PCDHGB1: variants seen among roughly 807,000 people sequenced by gnomAD.
The protein encoded by PCDHGB1 is protocadherin gamma-B1.
PCDHGB1 carries 34 observed loss-of-function variants against 56.6 expected under a neutral mutation model. The ratio of observed to expected loss-of-function variants is 0.60; its 90% CI spans 0.46 to 0.80. The LOEUF (loss-of-function observed/expected upper bound fraction) is 0.80, where lower values mean the gene tolerates loss of function less well. Ranked by LOEUF, PCDHGB1 falls within the 30% of genes least tolerant of loss-of-function variation. PCDHGB1 has a pLI of 0.00. For missense variants in PCDHGB1, 1,278 were observed against 1,204.6 expected, an observed-to-expected ratio of 1.06 and a Z score of -0.90; for synonymous variants, 561 against 505.9, an observed-to-expected ratio of 1.11 and a Z score of -1.46.
In PCDHGB1 at chr5:141,477,891, G is replaced by T. The variant is rs750359063; in HGVS notation, c.2410-16916G>T. 10 of 1,614,066 alleles carry T rather than the reference G, an allele frequency of 6.2e-6. No individual in the cohort carries two copies. The African/African-American group carries it at 1.2e-4, about 19-fold the overall frequency. ...ACCTCAGCTGGCCACCTAGTGTCAC[G>T]GGTGGTAGGCTGGGACGCGGATGCA... is the stretch of plus-strand genomic sequence containing the variant. On this transcript the variant is annotated intron_variant, in intron 1 of 3. Coordinates refer to ENST00000523390, the MANE Select transcript of PCDHGB1 (RefSeq NM_018922.3). This position sits in a 1 kb window ranked among gnomAD's most constrained non-coding sequence, Gnocchi z 4.9.
rs187488785 is a variant in PCDHGB1 at position 141,461,744 on chromosome 5, C to T, written c.2410-33063C>T. 5.9e-5 allele frequency among the ~76,000 whole-genome samples: 9 copies of T among 152,302 alleles called. No individual in the cohort carries two copies. The East Asian group carries it at 1.7e-3, about 29-fold the overall frequency. On this transcript the variant is annotated intron_variant, in intron 1 of 3. Transcript: ENST00000523390. ...GGAGTGCAGTGGCACAATCCCGGCT[C>T]CCAGATTCAAGCGATTCTCCTGCCT...
At chr5:141,385,448 AC>A (rs1336219074) in intron 1 of PCDHGB1, 2 of 1,449,614 alleles carry the variant, frequency 1.4e-6, no homozygotes, top group Non-Finnish European at 9.1e-7. Flanking sequence ...AAATGAGTTT[AC>A]CAGTTTCCTT....
Position 141,431,518 on chromosome 5 carries a change from G to T in PCDHGB1, c.2410-63289G>T. 6.2e-7 allele frequency: 1 copy of T among 1,614,090 alleles called. No individual in the cohort carries two copies. Among genetic ancestry groups the T allele is most frequent in the Non-Finnish European group, 8.5e-7 (1 of 1,180,038 alleles). ...CCGAGTACCGCGCGAGCGTTCCGGA[G>T]AATCTGGCCTTGGGCACGCAGCTGC... On this transcript the variant is annotated intron_variant, in intron 1 of 3. Coordinates refer to ENST00000523390, the MANE Select transcript of PCDHGB1 (RefSeq NM_018922.3). The surrounding 1 kb of genome is among the most constrained non-coding windows in gnomAD (Gnocchi z 4.8).
intron 1 of PCDHGB1, among the ~76,000 whole-genome samples, chr5:141,439,251 A>G (rs1467023466): frequency 6.6e-6 from 1 of 152,112 alleles, no homozygotes; most frequent in Non-Finnish European, 1.5e-5. Context: ...ATTTCAGCTG[A>G]AGATTCAGCC....
chr5:141,375,266 GA>G (rs1771293151), intron 1 of PCDHGB1: 1 of 1,613,846 alleles, frequency 6.2e-7, no homozygotes. Flanking sequence ...ATTTGAATTG[GA>G]AAAATCAGTT....
chr5:141,415,873 G>A lies in PCDHGB1; in HGVS notation c.2409+63204G>A, dbSNP rs905638480. The A allele has an allele frequency of 9.6e-6, 10 of 1,046,220 alleles. No homozygotes were observed. In the East Asian group the frequency reaches 1.8e-4, roughly 19 times the overall value. The allele number at this position is 1,046,220 out of a possible 1,614,324, so 64.8% of individuals were successfully genotyped here. A position where few individuals can be genotyped will look rare whatever the true frequency, so the allele number is the denominator to read the frequency against. On this transcript the variant is annotated intron_variant, in intron 1 of 3. Transcript: ENST00000523390. ...ACCTTGTAGTTTATAGTGTTGTTGA[G>A]TACAATATTGACAATTCCTAAGACA...
chr5:141,413,180 C>CCGCTCAAAGGAAT (rs760676891), intron 1 of PCDHGB1: 75 of 1,602,494 alleles, frequency 4.7e-5, no homozygotes, highest in Non-Finnish European at 6.1e-5. Flanking sequence ...ACTACAATGG[C>CCGCTCAAAGGAAT]CGCTCAAAGG....
chr5:141,502,468 C>A (rs1007796183), intron 2 of PCDHGB1, among the ~76,000 whole-genome samples: 6 of 151,190 alleles, frequency 4.0e-5, no homozygotes, highest in Non-Finnish European at 8.8e-5. Flanking sequence ...GGAATACTTC[C>A]CGCAGCATCA....
At chr5:141,370,490 G>T (rs780342479) in intron 1 of PCDHGB1, 6 of 1,613,894 alleles carry the variant, frequency 3.7e-6, no homozygotes, top group Non-Finnish European at 5.1e-6. Context: ...TCTCCGAACC[G>T]ATCCGCTACG....
rs757755103 is a variant in PCDHGB1 at position 141,432,638 on chromosome 5, C to T, written c.2410-62169C>T. 1.2e-6 allele frequency: 2 copies of T among 1,613,810 alleles called. No homozygotes were observed. Among genetic ancestry groups the T allele is most frequent in the Non-Finnish European group, 8.5e-7 (1 of 1,179,930 alleles). ...GGTGGGTCTGCACACGGGCGAGGTG[C>T]GCACGGCGCGAGCCCTGCTGGACAG... is the stretch of plus-strand genomic sequence containing the variant. On this transcript the variant is annotated intron_variant, in intron 1 of 3. Transcript: ENST00000523390. The surrounding 1 kb of genome is among the most constrained non-coding windows in gnomAD (Gnocchi z 6.0).
Position 141,489,623 on chromosome 5 carries a change from A to T in PCDHGB1, c.2410-5184A>T, listed in dbSNP as rs924162827. On this transcript the variant is annotated intron_variant, in intron 1 of 3. Coordinates refer to ENST00000523390, the MANE Select transcript of PCDHGB1 (RefSeq NM_018922.3). This position sits in a 1 kb window ranked among gnomAD's most constrained non-coding sequence, Gnocchi z 4.5. ...GAGGTAGAGATCCTGGATCTCAATG[A>T]CAACTCTCCTAGCTTTGCCACCCCT... is the stretch of plus-strand genomic sequence containing the variant. The T allele has an allele frequency of 6.2e-7, 1 of 1,614,102 alleles. No homozygotes were observed. Among genetic ancestry groups the T allele is most frequent in the Non-Finnish European group, 8.5e-7 (1 of 1,179,996 alleles).
At chr5:141,359,553 C>G (rs954176104) in intron 1 of PCDHGB1, among the ~76,000 whole-genome samples, 1 of 150,936 alleles carries the variant, frequency 6.6e-6, no homozygotes, top group Non-Finnish European at 1.5e-5. Flanking sequence ...TAGGAAAGCT[C>G]TCTATGTACT....
intron 1 of PCDHGB1, chr5:141,422,844 G>A: frequency 6.2e-7 from 1 of 1,614,238 alleles, no homozygotes; most frequent in Non-Finnish European, 8.5e-7. Context: ...GTGACAGCGG[G>A]GACCCGCCCC....
At position 141,487,051 on chromosome 5, in the gene PCDHGB1, G is replaced by A. The variant is rs1348441475; in HGVS notation, c.2410-7756G>A. The A allele has an allele frequency of 3.7e-6, 6 of 1,614,024 alleles. No individual in the cohort carries two copies. The highest frequency in any genetic ancestry group is 5.1e-6 in the Non-Finnish European group (6 of 1,180,024). On this transcript the variant is annotated intron_variant, in intron 1 of 3. Coordinates refer to ENST00000523390, the MANE Select transcript of PCDHGB1 (RefSeq NM_018922.3). This position sits in a 1 kb window ranked among gnomAD's most constrained non-coding sequence, Gnocchi z 5.0. ...TGTTTGCAGTCTCTCGATATGCTGG[G>A]GAGGTGCGGACGGCTGTTCCTATCC... is the stretch of plus-strand genomic sequence containing the variant.
intron 2 of PCDHGB1, among the ~76,000 whole-genome samples, chr5:141,497,540 C>A (rs866982821): frequency 7.4e-6 from 1 of 134,944 alleles, no homozygotes; most frequent in African/African-American, 2.8e-5. Context: ...TGCAACAAAC[C>A]TTTTTTTTTT....
intron 1 of PCDHGB1, chr5:141,414,493 GCT>G: frequency 6.2e-7 from 1 of 1,613,950 alleles, no homozygotes; most frequent in Non-Finnish European, 8.5e-7. Context: ...ATCAACGGAA[GCT>G]CACTTTATGC....
chr5:141,494,773 G>C, intron 1 of PCDHGB1, 34 bp from the exon 2 acceptor site: 1 of 1,613,966 alleles, frequency 6.2e-7, no homozygotes, highest in Non-Finnish European at 8.5e-7. Context: ...CTTCTCACGG[G>C]TACTCAGCCC....
At position 141,486,001 on chromosome 5, in the gene PCDHGB1, C is replaced by G. The variant is rs771993915; in HGVS notation, c.2410-8806C>G. 6.2e-7 allele frequency: 1 copy of G among 1,614,194 alleles called. No homozygotes were observed. Among genetic ancestry groups the G allele is most frequent in the Non-Finnish European group, 8.5e-7 (1 of 1,180,024 alleles). On this transcript the variant is annotated intron_variant, in intron 1 of 3. Transcript: ENST00000523390. The surrounding 1 kb of genome is among the most constrained non-coding windows in gnomAD (Gnocchi z 5.0). ...ACCCGGACCTGGGTCCCAGTGGTAACGTCACCTTTTATTTCAGTGGTCATA... is the reference window on the plus strand; with the variant it reads ...ACCCGGACCTGGGTCCCAGTGGTAAGGTCACCTTTTATTTCAGTGGTCATA...
At chr5:141,421,930 G>A (rs780569992) in intron 1 of PCDHGB1, 1 of 1,613,480 alleles carries the variant, frequency 6.2e-7, no homozygotes, top group Non-Finnish European at 8.5e-7. Flanking sequence ...GGTGGTCCTC[G>A]ATGTAAATGA....
Sources: gnomAD v4.1 joint callset for allele counts (sites outside exome capture counted in the v4.1 genomes callset) on GRCh38, gnomAD v4.1.1 for gene constraint, Gnocchi (gnomAD v3.1) non-coding constraint, MANE v1.5 for transcripts, NCBI Gene and HGNC (gene_info 2026-07-23, HGNC 2026-07-21) for gene names.